FCHO1: variants seen among roughly 807,000 people sequenced by gnomAD.
FCHO1 encodes the protein F-BAR domain only protein 1.
Under a neutral mutation model 114.4 loss-of-function variants are expected in FCHO1, and 45 were observed. The observed-to-expected ratio is 0.39, with a 90% CI of 0.31 to 0.50. FCHO1 has a LOEUF of 0.50. Among genes scored for constraint, FCHO1 ranks in the 20% least tolerant of loss-of-function variants. FCHO1 has a pLI of 0.77. For synonymous variants in FCHO1, 480 were observed against 488.9 expected (o/e 0.98, Z 0.24); for missense variants, 1,042 against 1,209.6 (o/e 0.86, Z 2.06).
In FCHO1 at chr19:17,783,060, G is replaced by T; in HGVS notation, c.1981G>T (p.Ala661Ser). The T allele has an allele frequency of 6.2e-7, 1 of 1,614,140 alleles. No individual in the cohort carries two copies. Among genetic ancestry groups the T allele is most frequent in the Non-Finnish European group, 8.5e-7 (1 of 1,180,016 alleles). ...TGGGGAGCTGACCATGACCTTCCCT[G>T]CTGGCATCGTGCGTGTGTTCAGCGG... ...VTGELTMTFP[A>S]GIVRVFSGTP... The change falls in exon 24 of 29, where the codon GCT (alanine) becomes TCT (serine). Residue 661 changes from alanine (A) to serine (S), a missense_variant. Coordinates refer to ENST00000596536, the MANE Select transcript of FCHO1 (RefSeq NM_015122.3).
rs1016863042 is a variant in FCHO1, at chr19:17,751,973, G to A, written c.-183+396G>A. Among the ~76,000 whole-genome samples, 4 of 152,230 alleles carry A rather than the reference G, an allele frequency of 2.6e-5. No homozygotes were observed. The highest frequency in any genetic ancestry group is 7.2e-5 in the African/African-American group (3 of 41,460). On this transcript the variant is annotated intron_variant, in intron 1 of 28. Coordinates refer to ENST00000596536, the MANE Select transcript of FCHO1 (RefSeq NM_015122.3). This position sits in a 1 kb window ranked among gnomAD's most constrained non-coding sequence, Gnocchi z 4.4. ...GCATGAAGATTGGATGAGCAGATGCGTGTGAATAGTTGGGTACAGGGTCGC... is the reference window on the plus strand; with the variant it reads ...GCATGAAGATTGGATGAGCAGATGCATGTGAATAGTTGGGTACAGGGTCGC...
chr19:17,780,245 A>G (rs1450492627), intron 20 of FCHO1, among the ~76,000 whole-genome samples: 1 of 149,210 alleles, frequency 6.7e-6, no homozygotes, highest in African/African-American at 2.5e-5. Context: ...GCTCACTGCA[A>G]CCTCTGCCTC....
At chr19:17,757,182 TAAAAAAAAAA>T (rs768156240) in intron 4 of FCHO1, among the ~76,000 whole-genome samples, 1 of 83,360 alleles carries the variant, frequency 1.2e-5, no homozygotes, top group East Asian at 3.4e-4. Context: ...AGACTCCGTC[TAAAAAAAAAA>T]AAAAAAAAAA....
chr19:17,779,998 A>G (rs2093209696), intron 20 of FCHO1, among the ~76,000 whole-genome samples: 1 of 151,496 alleles, frequency 6.6e-6, no homozygotes, highest in Non-Finnish European at 1.5e-5. Flanking sequence ...TCTGAGGAGA[A>G]TGGGAAGCCC....
At position 17,782,200 on chromosome 19, in the gene FCHO1, A is replaced by G. The variant is rs200383220; in HGVS notation, c.1937+380A>G. On this transcript the variant is annotated intron_variant, in intron 23 of 28. Coordinates refer to ENST00000596536, the MANE Select transcript of FCHO1 (RefSeq NM_015122.3). Reference sequence around the variant, plus strand: ...AAATTATTGTGCTTTTTGTTTGTTTATTTGTTTGTTTGTTTGTTTTGAGAC... The same window carrying G: ...AAATTATTGTGCTTTTTGTTTGTTTGTTTGTTTGTTTGTTTGTTTTGAGAC... Among the ~76,000 whole-genome samples the G allele has an allele frequency of 2.6e-4, 39 of 149,690 alleles. No individual in the cohort carries two copies. The East Asian group carries it at 6.5e-3, about 25-fold the overall frequency.
rs910984164 is a variant in FCHO1, at chr19:17,781,115, T to TG, written c.1628-111dup. 5 of 704,916 alleles carry TG rather than the reference T, an allele frequency of 7.1e-6. No individual in the cohort carries two copies. The African/African-American group carries it at 8.9e-5, about 13-fold the overall frequency. The allele number at this position is 704,916 out of a possible 1,614,324, so 43.7% of individuals were successfully genotyped here. A position where few individuals can be genotyped will look rare whatever the true frequency, so the allele number is the denominator to read the frequency against. On this transcript the variant is annotated intron_variant, in intron 20 of 28. Coordinates refer to ENST00000596536, the MANE Select transcript of FCHO1 (RefSeq NM_015122.3). Reference sequence around the variant, plus strand: ...TGCAACACCAGGACTTCAGACCCATTGGGGGTCTCTGCAGAAAAGCCCACC... The same window carrying TG: ...TGCAACACCAGGACTTCAGACCCATTGGGGGGTCTCTGCAGAAAAGCCCACC...
rs775294778 is a variant in FCHO1, at chr19:17,766,738, G to C, written c.264G>C (p.Leu88=). Residue 88 remains leucine, a synonymous_variant, in exon 7 of 29, where the codon CTG becomes CTC. Coordinates refer to ENST00000596536, the MANE Select transcript of FCHO1 (RefSeq NM_015122.3). ...SDKLALCHLE[L]TRKLQDLIKD... The stretch of plus-strand genomic sequence containing the variant: ...AGCTGGCGCTGTGCCACCTGGAACT[G>C]ACACGGAAGTTACAGGATCTCATCA... 7.4e-5 allele frequency: 120 copies of C among 1,614,054 alleles called. 1 individual carries two copies. Among genetic ancestry groups the C allele is most frequent in the Middle Eastern group, 4.9e-4 (3 of 6,084 alleles).
chr19:17,750,619 C>T (rs920370616), upstream of FCHO1, among the ~76,000 whole-genome samples: 1 of 151,418 alleles, frequency 6.6e-6, no homozygotes, highest in Non-Finnish European at 1.5e-5. Context: ...CCACCCCACC[C>T]AGCTAACTTT....
In FCHO1 at chr19:17,753,303, A is replaced by C. The variant is rs189557438; in HGVS notation, c.-182-1014A>C. Among the ~76,000 whole-genome samples the C allele has an allele frequency of 1.1e-3, 169 of 152,302 alleles. 4 individuals carry two copies. In the South Asian group the frequency reaches 0.021, roughly 19 times the overall value. On this transcript the variant is annotated intron_variant, in intron 1 of 28. Transcript: ENST00000596536. ...TCCTAAGGGGGTGTGGTGGGGACTG[A>C]AGTTTTTCAGGGGCCCTGTCATTAA...
rs1362495430 is a variant in FCHO1, at chr19:17,776,664, C to T, written c.1237C>T (p.Arg413Trp). The change falls in exon 18 of 29, where the codon CGG becomes TGG. Residue 413 changes from arginine (R) to tryptophan (W), a missense_variant. This residue lies in a region of FCHO1 where 455 missense variants were observed against 455.4 expected (regional missense o/e 1.00). Transcript: ENST00000596536. The surrounding 1 kb of genome is among the most constrained non-coding windows in gnomAD (Gnocchi z 4.4). ...CGCTGCTGGGAAACCCCAGAGACCT[C>T]GGTCTGCCCCCAGAACCAGCAGGTG... is the stretch of plus-strand genomic sequence containing the variant. ...RDAAGKPQRP[R>W]SAPRTSSCAE... The T allele has an allele frequency of 5.0e-6, 8 of 1,613,776 alleles. No individual in the cohort carries two copies. Among genetic ancestry groups the T allele is most frequent in the Admixed American group, 1.7e-5 (1 of 60,006 alleles).
chr19:17,781,163 G>A, intron 20 of FCHO1, 68 bp from the exon 21 acceptor site: 1 of 1,135,306 alleles, frequency 8.8e-7, no homozygotes. Flanking sequence ...GGCTGAGTTT[G>A]TGCCCCTGGG....
Position 17,778,635 on chromosome 19 carries a change from A to G in FCHO1, c.1378A>G (p.Ser460Gly). Residue 460 changes from serine to glycine, a missense_variant, in exon 20 of 29, where the codon AGC becomes GGC. Coordinates refer to ENST00000596536, the MANE Select transcript of FCHO1 (RefSeq NM_015122.3). Reference sequence around the variant, plus strand: ...CTCTAGCAGCCTGGGCTTCACCTCCAGCCCCTCCCCTTTCTCCTCCTCGTC... The same window carrying G: ...CTCTAGCAGCCTGGGCTTCACCTCCGGCCCCTCCCCTTTCTCCTCCTCGTC... The part of the protein sequence containing the change: ...TGSSSLGFTS[S>G]PSPFSSSSPE... 6.3e-7 allele frequency: 1 copy of G among 1,576,336 alleles called. No individual in the cohort carries two copies. Among genetic ancestry groups the G allele is most frequent in the African/African-American group, 1.4e-5 (1 of 73,914 alleles).
chr19:17,761,878 C>T (rs1279835045), intron 4 of FCHO1, among the ~76,000 whole-genome samples: 1 of 150,146 alleles, frequency 6.7e-6, no homozygotes, highest in Non-Finnish European at 1.5e-5. Flanking sequence ...CCAGGCTGAT[C>T]CCAAACTCCT....
chr19:17,786,314 CAGAG>C (rs2093885935), intron 26 of FCHO1, among the ~76,000 whole-genome samples: 3 of 151,970 alleles, frequency 2.0e-5, no homozygotes, highest in African/African-American at 2.4e-5. Context: ...GCCGGGGCGA[CAGAG>C]GGAGACACCA....
At chr19:17,757,722 C>A (rs1398524093) in intron 4 of FCHO1, among the ~76,000 whole-genome samples, 1 of 152,110 alleles carries the variant, frequency 6.6e-6, no homozygotes, top group Non-Finnish European at 1.5e-5. Flanking sequence ...TGAGACCAGC[C>A]TGGGCAACAT....
chr19:17,772,184 G>T (rs975888092), intron 9 of FCHO1, among the ~76,000 whole-genome samples: 1 of 152,164 alleles, frequency 6.6e-6, no homozygotes, highest in African/African-American at 2.4e-5. Flanking sequence ...TTGTGTGTGT[G>T]TGTGTGTGCA....
chr19:17,769,528 A>G lies in FCHO1; in HGVS notation c.337-897A>G, dbSNP rs1024270142. Reference sequence around the variant, plus strand: ...CGGGAGGCGGAGCTTGCAGTGAGCCAAGATCGCGCCACTGCACTCCAGCCT... The same window carrying G: ...CGGGAGGCGGAGCTTGCAGTGAGCCGAGATCGCGCCACTGCACTCCAGCCT... On this transcript the variant is annotated intron_variant, in intron 7 of 28. Coordinates refer to ENST00000596536, the MANE Select transcript of FCHO1 (RefSeq NM_015122.3). Among the ~76,000 whole-genome samples the G allele has an allele frequency of 9.3e-5, 14 of 150,878 alleles. No homozygotes were observed. In the Admixed American group the frequency reaches 9.3e-4, roughly 10 times the overall value.
Position 17,784,728 on chromosome 19 carries a change from T to C in FCHO1, c.2230T>C (p.Ser744Pro). The change falls in exon 26 of 29, where the codon TCC becomes CCC. Residue 744 changes from serine to proline, a missense_variant. Ser to Pro is a moderately conservative substitution (Grantham distance 74). Coordinates refer to ENST00000596536, the MANE Select transcript of FCHO1 (RefSeq NM_015122.3). The surrounding 1 kb of genome is among the most constrained non-coding windows in gnomAD (Gnocchi z 5.3). ...CTCTCATTCTCATTCTTCCTAGTTCTCCCGCCCGGGTCCCCAGTCTGTGCC... is the reference window on the plus strand; with the variant it reads ...CTCTCATTCTCATTCTTCCTAGTTCCCCCGCCCGGGTCCCCAGTCTGTGCC... ...YNVVLLRYQFSRPGPQSVPLQ... is the reference protein window; with the variant it reads ...YNVVLLRYQFPRPGPQSVPLQ... The C allele has an allele frequency of 6.2e-7, 1 of 1,613,908 alleles. No homozygotes were observed. Among genetic ancestry groups the C allele is most frequent in the Non-Finnish European group, 8.5e-7 (1 of 1,179,974 alleles).
chr19:17,784,708 A>T lies in FCHO1; in HGVS notation c.2227-17A>T. 1.2e-6 allele frequency: 2 copies of T among 1,612,838 alleles called. No homozygotes were observed. Among genetic ancestry groups the T allele is most frequent in the Non-Finnish European group, 1.7e-6 (2 of 1,179,286 alleles). ...TGGCCCAAGCTGTGTCCTCTCTCTC[A>T]TTCTCATTCTTCCTAGTTCTCCCGC... On this transcript the variant is annotated splice_polypyrimidine_tract_variant and intron_variant, in intron 25 of 28. Coordinates refer to ENST00000596536, the MANE Select transcript of FCHO1 (RefSeq NM_015122.3). This position sits in a 1 kb window ranked among gnomAD's most constrained non-coding sequence, Gnocchi z 5.3.
Sources: allele counts gnomAD v4.1 joint callset (sites outside exome capture counted in the v4.1 genomes callset), GRCh38; gene constraint gnomAD v4.1.1; regional missense constraint gnomAD v4.1.1; non-coding constraint Gnocchi (gnomAD v3.1); transcripts MANE v1.5; gene names NCBI Gene and HGNC (gene_info 2026-07-23, HGNC 2026-07-21).